SYT6: variants seen among roughly 807,000 people sequenced by gnomAD.
SYT6 encodes synaptotagmin-6.
A neutral mutation model predicts 38.4 loss-of-function variants in SYT6; 24 were observed. The observed-to-expected ratio is 0.62, with a 90% CI of 0.45 to 0.88. The LOEUF (loss-of-function observed/expected upper bound fraction) is 0.88, where lower values mean the gene tolerates loss of function less well. Ranked by LOEUF, SYT6 falls within the 40% of genes least tolerant of loss-of-function variation. SYT6 has a pLI of 0.00. For synonymous variants in SYT6, 265 were observed against 241.9 expected, an observed-to-expected ratio of 1.10 and a Z score of -0.89; for missense variants, 611 against 621.0, an observed-to-expected ratio of 0.98 and a Z score of 0.17.
At chr1:114,109,860 GT>G (rs1408200063) in intron 3 of SYT6, among the ~76,000 whole-genome samples, 7 of 152,238 alleles carry the variant, frequency 4.6e-5, no homozygotes, top group Admixed American at 3.3e-4. Context: ...AGACAGGTCA[GT>G]AAAAGTAGAT....
intron 3 of SYT6, among the ~76,000 whole-genome samples, chr1:114,129,600 CTTTCTTTCTTTCTTTCCTTT>C (rs1379537519): frequency 0.016 from 1,430 of 89,190 alleles, 16 homozygotes; most frequent in South Asian, 0.058. Context: ...TTCTTTCTTT[CTTTCTTTCTTTCTTTCCTTT>C]CTTTCTTTCT....
intron 3 of SYT6, among the ~76,000 whole-genome samples, chr1:114,125,745 A>G (rs1206368834): frequency 2.0e-5 from 3 of 152,156 alleles, no homozygotes; most frequent in African/African-American, 7.2e-5. Flanking sequence ...TAAGGTAGAA[A>G]TATTTATGTA....
rs1414410881 is a variant in SYT6, at chr1:114,137,733, T to G, written c.833A>C (p.Lys278Thr). The G allele has an allele frequency of 6.2e-7, 1 of 1,614,098 alleles. No individual in the cohort carries two copies. The highest frequency in any genetic ancestry group is 1.7e-5 in the Admixed American group (1 of 60,014). ...YVKIYLLPDR[K>T]CKLQTRVHRK... is the part of the protein sequence containing the mutation. ...GTGCACCCGGGTCTGCAGCTTGCATTTGCGGTCAGGCAGGAGGTAGATCTT... is the reference window on the plus strand; with the variant it reads ...GTGCACCCGGGTCTGCAGCTTGCATGTGCGGTCAGGCAGGAGGTAGATCTT... Residue 278 changes from lysine to threonine, a missense_variant, in exon 3 of 8, where the codon AAA becomes ACA. By Grantham distance (78) the Lys-to-Thr change is moderately conservative. Coordinates refer to ENST00000610222, the MANE Select transcript of SYT6 (RefSeq NM_001253772.2).
intron 4 of SYT6, among the ~76,000 whole-genome samples, chr1:114,101,802 T>G (rs938104119): frequency 3.3e-5 from 5 of 152,202 alleles, no homozygotes; most frequent in Admixed American, 2.0e-4. Context: ...TGCTGTAAAT[T>G]CAACCATCCA....
At chr1:114,141,667 T>C (rs2101101930) in intron 1 of SYT6, among the ~76,000 whole-genome samples, 1 of 152,322 alleles carries the variant, frequency 6.6e-6, no homozygotes, top group East Asian at 1.9e-4. Context: ...TAGCCTTATA[T>C]TGGAAGAAGA....
At chr1:114,133,715 C>T (rs1234148335) in intron 3 of SYT6, among the ~76,000 whole-genome samples, 1 of 152,224 alleles carries the variant, frequency 6.6e-6, no homozygotes, top group Non-Finnish European at 1.5e-5. Flanking sequence ...ATGCACGAGG[C>T]CTCCGACTGC....
At chr1:114,152,356 G>A (rs749011966) in intron 1 of SYT6, 3 of 152,330 alleles carry the variant, frequency 2.0e-5, no homozygotes, top group African/African-American at 4.8e-5. Flanking sequence ...AGTGCTCCTA[G>A]GCCCAGCGCT....
rs1675456063 is a variant in SYT6, at chr1:114,093,721, C to T, written c.*51+14G>A. On this transcript the variant is annotated intron_variant, in intron 7 of 7. Transcript: ENST00000610222. ...AAGCAACCTAACGTCTTTGGGTCCA[C>T]ACCAGGTACTTACTCCTAACTCCAG... 6.2e-7 allele frequency: 1 copy of T among 1,613,056 alleles called. No homozygotes were observed. Among genetic ancestry groups the T allele is most frequent in the South Asian group, 1.1e-5 (1 of 90,854 alleles).
At chr1:114,119,836 C>T (rs1265389548) in intron 3 of SYT6, among the ~76,000 whole-genome samples, 2 of 152,248 alleles carry the variant, frequency 1.3e-5, no homozygotes, top group East Asian at 1.9e-4. Context: ...CTTTGGGAGG[C>T]GGAGGCAGGC....
intron 3 of SYT6, among the ~76,000 whole-genome samples, chr1:114,115,441 G>A (rs1676935396): frequency 1.4e-5 from 2 of 145,730 alleles, no homozygotes; most frequent in Non-Finnish European, 3.0e-5. Flanking sequence ...TTTTTTTTGA[G>A]TGTCTCGCTC....
intron 2 of SYT6, 35 bp from the exon 3 acceptor site, chr1:114,138,088 G>A (rs557112898): frequency 1.3e-6 from 2 of 1,589,572 alleles, no homozygotes; most frequent in Admixed American, 1.7e-5. Flanking sequence ...AGGGAGTGTG[G>A]TCAGGGCTCA....
intron 6 of SYT6, among the ~76,000 whole-genome samples, chr1:114,094,920 C>A (rs1675541993): frequency 6.6e-6 from 1 of 152,232 alleles, no homozygotes; most frequent in Non-Finnish European, 1.5e-5. Context: ...CGCGTGGACA[C>A]AAGGTGCTTA....
Position 114,139,760 on chromosome 1 carries a change from T to TG in SYT6, c.366dup (p.Ser123GlnfsTer22), listed in dbSNP as rs1331205538. ...GCCGCCTCCAGGAAGCCCAGGGTGC[T>TG]GGGGTCCTTCAGCTTGTCCGCCATG... On this transcript the variant is annotated frameshift_variant, in exon 2 of 8. Coordinates refer to ENST00000610222, the MANE Select transcript of SYT6 (RefSeq NM_001253772.2). LOFTEE classifies it high-confidence loss of function. 1 of 1,613,814 alleles carries TG rather than the reference T, an allele frequency of 6.2e-7. No individual in the cohort carries two copies. Among genetic ancestry groups the TG allele is most frequent in the African/African-American group, 1.3e-5 (1 of 74,908 alleles).
At chr1:114,140,371 AT>A (rs1329042550) in intron 1 of SYT6, among the ~76,000 whole-genome samples, 3 of 152,210 alleles carry the variant, frequency 2.0e-5, no homozygotes, top group Non-Finnish European at 4.4e-5. Context: ...TTGAATTTCT[AT>A]TAAAGCTGCT....
chr1:114,126,774 C>A (rs750265060), intron 3 of SYT6, among the ~76,000 whole-genome samples: 1 of 152,208 alleles, frequency 6.6e-6, no homozygotes, highest in Admixed American at 6.5e-5. Flanking sequence ...GGGGCAGGTT[C>A]GGCTTGCCCA....
At chr1:114,149,142 C>T (rs1679303642) in intron 1 of SYT6, among the ~76,000 whole-genome samples, 1 of 135,490 alleles carries the variant, frequency 7.4e-6, no homozygotes, top group Admixed American at 7.3e-5. Context: ...TGCCCACCAG[C>T]CACCAGGCAA....
intron 1 of SYT6, among the ~76,000 whole-genome samples, chr1:114,150,186 G>A (rs1386504390): frequency 6.6e-6 from 1 of 152,146 alleles, no homozygotes; most frequent in Non-Finnish European, 1.5e-5. Context: ...ACTTCAGACA[G>A]TTAGAAGAGA....
At chr1:114,127,855 A>C (rs1677835176) in intron 3 of SYT6, among the ~76,000 whole-genome samples, 1 of 152,178 alleles carries the variant, frequency 6.6e-6, no homozygotes, top group Non-Finnish European at 1.5e-5. Context: ...GGATGATGAG[A>C]CCAGGCCCAG....
At chr1:114,105,358 C>G (rs1676228245) in intron 3 of SYT6, among the ~76,000 whole-genome samples, 1 of 150,096 alleles carries the variant, frequency 6.7e-6, no homozygotes, top group African/African-American at 2.5e-5. Context: ...CCTCCAGAGC[C>G]TGCGCTCACC....
Sources: allele counts gnomAD v4.1 joint callset (sites outside exome capture counted in the v4.1 genomes callset), GRCh38; gene constraint gnomAD v4.1.1; transcripts MANE v1.5; gene names NCBI Gene and HGNC (gene_info 2026-07-23, HGNC 2026-07-21).